Variants in CERS5 observed in about 807,000 individuals in gnomAD.
The protein encoded by CERS5 is LAG1 homolog, ceramide synthase 5.
A neutral mutation model predicts 58.9 loss-of-function variants in CERS5; 37 were observed. The observed-to-expected ratio is 0.63, with a 90% CI of 0.48 to 0.83. The LOEUF (loss-of-function observed/expected upper bound fraction) is 0.83. Ranked by LOEUF, CERS5 falls within the 40% of genes least tolerant of loss-of-function variation. The pLI is 0.00. For synonymous variants in CERS5, 147 were observed against 177.8 expected (o/e 0.83, Z 1.38); for missense variants, 398 against 489.3 (o/e 0.81, Z 1.76).
chr12:50,166,823 G>A (rs1939950675), intron 1 of CERS5, among the ~76,000 whole-genome samples: 1 of 152,090 alleles, frequency 6.6e-6, no homozygotes, highest in Non-Finnish European at 1.5e-5. Context: ...TTGGGAGGAG[G>A]CCTATATGAC....
In CERS5 at chr12:50,155,433, G is replaced by A. The variant is rs111329189; in HGVS notation, c.198-11376C>T. Among the ~76,000 whole-genome samples the A allele has an allele frequency of 5.2e-3, 782 of 151,610 alleles. 4 individuals carry two copies. Among genetic ancestry groups the A allele is most frequent in the African/African-American group, 0.018 (731 of 41,320 alleles). ...TCAAGTGATCTTTGCAGCTTCCTTT[G>A]AGGGCCATTAAAAAAAAAAATTGCC... On this transcript the variant is annotated intron_variant, in intron 1 of 9. Coordinates refer to ENST00000317551, the MANE Select transcript of CERS5 (RefSeq NM_147190.5).
chr12:50,163,082 AG>A (rs1296115742), intron 1 of CERS5, among the ~76,000 whole-genome samples: 2 of 152,142 alleles, frequency 1.3e-5, no homozygotes, highest in Admixed American at 6.6e-5. Context: ...TATTTTTTGT[AG>A]GATCAGGGTC....
chr12:50,131,206 A>G (rs540521584), intron 9 of CERS5, among the ~76,000 whole-genome samples: 2 of 152,242 alleles, frequency 1.3e-5, no homozygotes, highest in South Asian at 2.1e-4. Context: ...CCACTATCCT[A>G]TGACACTGTT....
chr12:50,143,880 C>T, intron 2 of CERS5, 72 bp downstream of exon 2: 2 of 901,136 alleles, frequency 2.2e-6, no homozygotes, highest in Non-Finnish European at 3.7e-6. Flanking sequence ...GAGGTACGTG[C>T]TCTCTATCCT....
chr12:50,159,097 G>C (rs935504984), intron 1 of CERS5, among the ~76,000 whole-genome samples: 1 of 152,098 alleles, frequency 6.6e-6, no homozygotes, highest in South Asian at 2.1e-4. Context: ...CGAGGCGGGC[G>C]AATCATGAGG....
intron 4 of CERS5, among the ~76,000 whole-genome samples, chr12:50,141,227 CT>C (rs1177748053): frequency 6.6e-6 from 1 of 151,906 alleles, no homozygotes; most frequent in Non-Finnish European, 1.5e-5. Context: ...ATTTTTGTAG[CT>C]TTTTGTAGAG....
chr12:50,137,889 C>T, intron 5 of CERS5, 69 bp from the exon 6 acceptor site: 6 of 1,060,430 alleles, frequency 5.7e-6, no homozygotes, highest in Non-Finnish European at 8.7e-6. Context: ...CCAACTTTCT[C>T]TGCCTTGGAG....
chr12:50,132,874 C>T (rs1311691930), intron 9 of CERS5: 3 of 1,259,764 alleles, frequency 2.4e-6, no homozygotes, highest in Non-Finnish European at 3.1e-6. Context: ...GAGACAAACA[C>T]AAGGGAACAG....
At chr12:50,162,289 T>G (rs1264482913) in intron 1 of CERS5, among the ~76,000 whole-genome samples, 3 of 151,372 alleles carry the variant, frequency 2.0e-5, no homozygotes, top group Non-Finnish European at 4.4e-5. Context: ...ATCTTAACAC[T>G]TGAAAGGGGG....
Sources: gnomAD v4.1 joint callset for allele counts (sites outside exome capture counted in the v4.1 genomes callset) on GRCh38, gnomAD v4.1.1 for gene constraint, MANE v1.5 for transcripts, NCBI Gene and HGNC (gene_info 2026-07-23, HGNC 2026-07-21) for gene names.